Variants in PGAM5 observed in about 807,000 individuals in gnomAD.
The protein encoded by PGAM5 is serine/threonine-protein phosphatase PGAM5, mitochondrial.
Under a neutral mutation model 30.6 loss-of-function variants are expected in PGAM5, and 25 were observed. The ratio of observed to expected loss-of-function variants is 0.82; its 90% CI spans 0.60 to 1.14. The LOEUF (loss-of-function observed/expected upper bound fraction) is 1.14. PGAM5 is among the 50% of genes most tolerant of loss of function. PGAM5 has a pLI of 0.00. For synonymous variants in PGAM5, 201 were observed against 179.1 expected, an observed-to-expected ratio of 1.12 and a Z score of -0.98; for missense variants, 384 against 408.5, an observed-to-expected ratio of 0.94 and a Z score of 0.52.
intron 2 of PGAM5, among the ~76,000 whole-genome samples, chr12:132,716,641 G>A (rs1472091425): frequency 6.6e-6 from 1 of 152,230 alleles, no homozygotes; most frequent in Non-Finnish European, 1.5e-5. Context: ...CTTCCACCTT[G>A]TCCTTGTGTC....
chr12:132,718,168 G>A, intron 5 of PGAM5, 48 bp downstream of exon 5: 1 of 1,607,988 alleles, frequency 6.2e-7, no homozygotes, highest in Non-Finnish European at 8.5e-7. Context: ...TTCAGACTTA[G>A]AGAAAAGCAT....
rs1357013127 is a variant in PGAM5 at position 132,718,118 on chromosome 12, C to T, written c.717C>T (p.Cys239=). 6.2e-7 allele frequency: 1 copy of T among 1,612,394 alleles called. No homozygotes were observed. Among genetic ancestry groups the T allele is most frequent in the Non-Finnish European group, 8.5e-7 (1 of 1,179,932 alleles). The change falls in exon 5 of 6, where the codon TGC becomes TGT. Residue 239 remains cysteine, a splice_region_variant and synonymous_variant. Transcript: ENST00000498926. The stretch of plus-strand genomic sequence containing the variant: ...CCAACGTCATCCGCTACATCGTGTG[C>T]AGGTAGGCAGCTGCTGGGCTGGGCG... The part of the protein sequence containing the change: ...CHANVIRYIV[C]RALQFPPEGW...
intron 1 of PGAM5, 115 bp downstream of exon 1, chr12:132,711,182 G>A (rs2136077256): frequency 9.7e-6 from 8 of 822,698 alleles, no homozygotes; most frequent in Non-Finnish European, 1.3e-5. Flanking sequence ...ATCTGGGGTC[G>A]CCGTCTGCTT....
rs372683814 is a variant in PGAM5 at position 132,718,842 on chromosome 12, C to T, written c.719+722C>T. 740 of 1,613,268 alleles carry T rather than the reference C, an allele frequency of 4.6e-4. 10 individuals carry two copies. The South Asian group carries it at 7.5e-3, about 16-fold the overall frequency. ...TCACTTGCTGATCTGTGGGCGCTCC[C>T]ACCCGTGTGCCAGCGTGACGGCTCG... On this transcript the variant is annotated intron_variant, in intron 5 of 5. Coordinates refer to ENST00000498926, the MANE Select transcript of PGAM5 (RefSeq NM_001170543.2).
chr12:132,717,918 G>T, intron 4 of PGAM5, 69 bp from the exon 5 acceptor site: 1 of 1,601,634 alleles, frequency 6.2e-7, no homozygotes, highest in African/African-American at 1.3e-5. Flanking sequence ...GGCGGCGATG[G>T]GGTCTGTCCT....
chr12:132,721,062 C>T lies in PGAM5; in HGVS notation c.*234C>T, dbSNP rs547621499. ...TGGGGTTTAAGGTGAAAGCGTCTCA[C>T]GCACAAGTCAGGCCTGTTGTGGGGA... On this transcript the variant is annotated 3_prime_UTR_variant, in exon 6 of 6. Coordinates refer to ENST00000498926, the MANE Select transcript of PGAM5 (RefSeq NM_001170543.2). 108 of 457,038 alleles carry T rather than the reference C, an allele frequency of 2.4e-4. No homozygotes were observed. The East Asian group carries it at 2.9e-3, about 12-fold the overall frequency. 28.3% of individuals were successfully genotyped at this position (457,038 alleles called of 1,614,324 possible).
chr12:132,719,885 C>T (rs1409325749), intron 5 of PGAM5, among the ~76,000 whole-genome samples: 1 of 152,124 alleles, frequency 6.6e-6, no homozygotes, highest in East Asian at 1.9e-4. Context: ...CATGAAGATG[C>T]CACGGCGGGT....
chr12:132,719,721 C>T (rs112743645), intron 5 of PGAM5, among the ~76,000 whole-genome samples: 1 of 152,242 alleles, frequency 6.6e-6, no homozygotes, highest in Admixed American at 6.5e-5. Context: ...TATGGCTGTG[C>T]TGTTCCGGCC....
chr12:132,717,342 GA>G (rs2043589358), intron 2 of PGAM5, 96 bp from the exon 3 acceptor site: 1 of 1,367,728 alleles, frequency 7.3e-7, no homozygotes, highest in East Asian at 2.8e-5. Context: ...GGGGGTGTTT[GA>G]GGGTGGAGGA....
Position 132,720,718 on chromosome 12 carries a change from C to G in PGAM5, c.760C>G (p.Leu254Val), listed in dbSNP as rs1172806128. 2 of 1,536,314 alleles carry G rather than the reference C, an allele frequency of 1.3e-6. No individual in the cohort carries two copies. The highest frequency in any genetic ancestry group is 2.0e-5 in the Admixed American group (1 of 50,962). Residue 254 changes from leucine (L) to valine (V), a missense_variant, in exon 6 of 6, where the codon CTC becomes GTC. Physicochemically the swap from Leu to Val is conservative, Grantham distance 32 (BLOSUM62 1). Transcript: ENST00000498926. ...TCCTGAAGGCTGGCTCCGGCTCTCC[C>G]TCAATAATGGCAGCATCACCCACCT... ...FPPEGWLRLS[L>V]NNGSITHLVI...
At position 132,717,545 on chromosome 12, in the gene PGAM5, C is replaced by A. The variant is rs777262145; in HGVS notation, c.477C>A (p.Ile159=). The A allele has an allele frequency of 2.5e-6, 4 of 1,610,760 alleles. No individual in the cohort carries two copies. Among genetic ancestry groups the A allele is most frequent in the Middle Eastern group, 1.6e-4 (1 of 6,062 alleles). The change falls in exon 3 of 6, where the codon ATC becomes ATA. Residue 159 remains isoleucine (I), a synonymous_variant. Coordinates refer to ENST00000498926, the MANE Select transcript of PGAM5 (RefSeq NM_001170543.2). The part of the protein sequence containing the change: ...SMTRAIETTD[I]ISRHLPGVCK... The stretch of plus-strand genomic sequence containing the variant: ...CGCGCGCCATAGAGACCACCGATAT[C>A]ATCAGCCGGCACCTGCCAGGTGAGT...
At position 132,720,845 on chromosome 12, in the gene PGAM5, T is replaced by C. The variant is rs574758603; in HGVS notation, c.*17T>C. The C allele has an allele frequency of 5.9e-6, 9 of 1,534,818 alleles. No homozygotes were observed. The East Asian group carries it at 7.3e-5, about 13-fold the overall frequency. On this transcript the variant is annotated 3_prime_UTR_variant, in exon 6 of 6. Transcript: ENST00000498926. ...CGATCCTGAGGGCTCCGGCCTCTCCTTCCCTCTGTCCTCCCTGCACAGGCC... is the reference window on the plus strand; with the variant it reads ...CGATCCTGAGGGCTCCGGCCTCTCCCTCCCTCTGTCCTCCCTGCACAGGCC...
chr12:132,715,878 C>CA (rs113901541), intron 2 of PGAM5, among the ~76,000 whole-genome samples: 2,044 of 138,302 alleles, frequency 0.015, 34 homozygotes, highest in African/African-American at 0.048. Context: ...GACTCCGTCT[C>CA]AAAAAAAAAA....
rs1404287797 is a variant in PGAM5, at chr12:132,720,780, C to T, written c.822C>T (p.Thr274=). 3 of 1,536,462 alleles carry T rather than the reference C, an allele frequency of 2.0e-6. No individual in the cohort carries two copies. ...CCAACGGCCGAGTTGCGCTCAGGAC[C>T]CTCGGGGACACGGGGTTCATGCCTC... ...IRPNGRVALR[T]LGDTGFMPPD... is the part of the protein sequence containing the mutation. The change falls in exon 6 of 6, where the codon ACC becomes ACT. Residue 274 remains threonine, a synonymous_variant. Coordinates refer to ENST00000498926, the MANE Select transcript of PGAM5 (RefSeq NM_001170543.2).
chr12:132,717,879 C>T (rs1459212501), intron 4 of PGAM5, 81 bp downstream of exon 4: 27 of 1,592,330 alleles, frequency 1.7e-5, no homozygotes, highest in African/African-American at 4.0e-5. Flanking sequence ...CCATCCACCA[C>T]GTGCCCGGCC....
At chr12:132,717,239 G>A (rs1218902769) in intron 2 of PGAM5, among the ~76,000 whole-genome samples, 200 bp from the exon 3 acceptor site, 1 of 152,156 alleles carries the variant, frequency 6.6e-6, no homozygotes, top group African/African-American at 2.4e-5. Context: ...CAAGCCTCGG[G>A]CGGGCAGGAG....
intron 5 of PGAM5, among the ~76,000 whole-genome samples, 155 bp downstream of exon 5, chr12:132,718,275 G>T (rs893848008): frequency 2.0e-5 from 3 of 150,790 alleles, no homozygotes; most frequent in Admixed American, 2.0e-4. Context: ...GTCCTAGTCA[G>T]TTACGCGGTA....
In PGAM5 at chr12:132,721,102, G is replaced by A. The variant is rs1032581376; in HGVS notation, c.*274G>A. On this transcript the variant is annotated 3_prime_UTR_variant, in exon 6 of 6. Transcript: ENST00000498926. Reference sequence around the variant, plus strand: ...TGTTGTGGGGACTTGAAAGAGGCCTGACCCAGACCACCATGTTCGCACCCA... The same window carrying A: ...TGTTGTGGGGACTTGAAAGAGGCCTAACCCAGACCACCATGTTCGCACCCA... 2 of 309,722 alleles carry A rather than the reference G, an allele frequency of 6.5e-6. No homozygotes were observed. Among genetic ancestry groups the A allele is most frequent in the African/African-American group, 2.1e-5 (1 of 46,860 alleles). 19.2% of individuals were successfully genotyped at this position (309,722 alleles called of 1,614,324 possible).
intron 1 of PGAM5, 150 bp from the exon 2 acceptor site, chr12:132,714,708 C>G (rs938525897): frequency 2.3e-5 from 18 of 793,730 alleles, no homozygotes; most frequent in Non-Finnish European, 3.4e-5. Context: ...GCGGTATGCT[C>G]AGAGAGGCCT....
Sources: allele counts gnomAD v4.1 joint callset (sites outside exome capture counted in the v4.1 genomes callset), GRCh38; gene constraint gnomAD v4.1.1; transcripts MANE v1.5; gene names NCBI Gene and HGNC (gene_info 2026-07-23, HGNC 2026-07-21).